The following PSD3 variants were observed in gnomAD, a reference collection of about 807,000 sequenced individuals.
PSD3 encodes the protein pleckstrin and Sec7 domain containing 3.
In PSD3, 49 loss-of-function variants were observed where a neutral mutation model predicts 105.5. The observed-to-expected ratio is 0.46, with a 90% CI of 0.37 to 0.59. PSD3 has a LOEUF of 0.59. Among genes scored for constraint, PSD3 ranks in the 20% least tolerant of loss-of-function variants. The pLI, the probability that PSD3 is intolerant of heterozygous loss-of-function variation, is 0.00. For synonymous variants in PSD3, 557 were observed against 457.8 expected (o/e 1.22, Z -2.77); for missense variants, 1,561 against 1,263.8 (o/e 1.24, Z -3.57).
At chr8:18,549,534 G>C (rs557582023) in intron 15 of PSD3, among the ~76,000 whole-genome samples, 11 of 152,098 alleles carry the variant, frequency 7.2e-5, no homozygotes, top group Non-Finnish European at 1.6e-4. Flanking sequence ...ATAATCTAAT[G>C]GTGTGCTAAA....
chr8:18,756,714 G>T (rs1806068931), intron 9 of PSD3, among the ~76,000 whole-genome samples: 1 of 147,770 alleles, frequency 6.8e-6, no homozygotes, highest in Non-Finnish European at 1.5e-5. Context: ...AGCAGAAGGG[G>T]AGCGGTGACA....
chr8:18,782,811 T>C (rs760655587), intron 8 of PSD3, among the ~76,000 whole-genome samples: 2 of 152,176 alleles, frequency 1.3e-5, no homozygotes, highest in Admixed American at 6.5e-5. Flanking sequence ...ACAAAGGGCC[T>C]AGTGGCCATC....
chr8:18,651,883 G>A (rs1415557362), intron 10 of PSD3, among the ~76,000 whole-genome samples: 1 of 152,120 alleles, frequency 6.6e-6, no homozygotes, highest in Non-Finnish European at 1.5e-5. Flanking sequence ...GAACGTGAAG[G>A]GCCTAATTAA....
intron 9 of PSD3, among the ~76,000 whole-genome samples, chr8:18,683,290 G>A (rs1462105101): frequency 6.6e-6 from 1 of 152,162 alleles, no homozygotes; most frequent in East Asian, 1.9e-4. Flanking sequence ...CATGAATGTA[G>A]TATAATAGGA....
intron 11 of PSD3, among the ~76,000 whole-genome samples, chr8:18,615,155 TCCACC>T (rs1805565325): frequency 1.0e-5 from 1 of 95,648 alleles, no homozygotes; most frequent in African/African-American, 3.4e-5. Context: ...GATTACCTAC[TCCACC>T]CTGACTCATT....
At chr8:18,767,721 T>A (rs1360172481) in intron 8 of PSD3, among the ~76,000 whole-genome samples, 3 of 151,952 alleles carry the variant, frequency 2.0e-5, no homozygotes, top group African/African-American at 7.3e-5. Context: ...CACTCCAGCC[T>A]GGGAAACAAG....
chr8:18,804,524 G>A lies in PSD3; in HGVS notation c.1908C>T (p.Leu636=), dbSNP rs531025044. ...GCAGCAAGGAGGCTTAGTCATACCT[G>A]AGTGACTGATCCAGCGTCATTCCTG... ...DFTGMTLDQS[L]RYFFKAFSLV... Residue 636 remains leucine (L), a splice_region_variant and synonymous_variant, in exon 6 of 16, where the codon CTC becomes CTT. Transcript: ENST00000327040. 2.0e-4 allele frequency: 315 copies of A among 1,605,348 alleles called. 4 individuals carry two copies. The South Asian group carries it at 2.9e-3, about 15-fold the overall frequency.
chr8:19,043,812 T>A (rs1198399845), intron 1 of PSD3, among the ~76,000 whole-genome samples: 1 of 152,220 alleles, frequency 6.6e-6, no homozygotes, highest in East Asian at 1.9e-4. Context: ...CTTCCCAGCC[T>A]CCAGAATGGT....
At chr8:18,661,239 A>G (rs1434968369) in intron 9 of PSD3, among the ~76,000 whole-genome samples, 8 of 152,212 alleles carry the variant, frequency 5.3e-5, no homozygotes, top group African/African-American at 1.4e-4. Flanking sequence ...TTCCACTTTC[A>G]GTGAAACTGA....
intron 10 of PSD3, among the ~76,000 whole-genome samples, chr8:18,650,472 G>A (rs1253936161): frequency 6.6e-6 from 1 of 152,194 alleles, no homozygotes; most frequent in Non-Finnish European, 1.5e-5. Context: ...AAAGGAACTT[G>A]GAAAGGCAAA....
At chr8:18,946,912 AAAAATAAATAAAAT>A (rs1471752815) in intron 1 of PSD3, among the ~76,000 whole-genome samples, 1 of 150,416 alleles carries the variant, frequency 6.6e-6, no homozygotes, top group African/African-American at 2.4e-5. Flanking sequence ...CTCAAAAAAT[AAAAATAAATAAAAT>A]AAAATAAATA....
At chr8:18,829,582 G>C (rs1813514660) in intron 4 of PSD3, among the ~76,000 whole-genome samples, 1 of 152,106 alleles carries the variant, frequency 6.6e-6, no homozygotes, top group Admixed American at 6.5e-5. Flanking sequence ...TGTGGTCTTT[G>C]GCTCATGTTA....
intron 8 of PSD3, among the ~76,000 whole-genome samples, chr8:18,795,226 G>C (rs191845017): frequency 1.5e-4 from 23 of 152,142 alleles, no homozygotes; most frequent in Admixed American, 1.2e-3. Context: ...AAAAACATTA[G>C]TAAGGTCGTG....
At chr8:19,061,804 A>G (rs748453530) in intron 1 of PSD3, among the ~76,000 whole-genome samples, 5 of 93,094 alleles carry the variant, frequency 5.4e-5, no homozygotes, top group African/African-American at 8.4e-5. Context: ...GACTCCGTCT[A>G]AAAAAAAAAA....
intron 12 of PSD3, among the ~76,000 whole-genome samples, chr8:18,584,767 C>T (rs1404804594): frequency 6.6e-6 from 1 of 152,180 alleles, no homozygotes; most frequent in Non-Finnish European, 1.5e-5. Flanking sequence ...TACGGGAATA[C>T]TGCTCTTAAA....
At chr8:18,990,380 C>T (rs1825723672) in intron 1 of PSD3, among the ~76,000 whole-genome samples, 1 of 152,224 alleles carries the variant, frequency 6.6e-6, no homozygotes, top group Admixed American at 6.5e-5. Context: ...GGCTCCGCCG[C>T]CTGGCCTTCT....
chr8:19,006,164 G>A (rs528130776), intron 1 of PSD3, among the ~76,000 whole-genome samples: 117 of 151,548 alleles, frequency 7.7e-4, no homozygotes, highest in Admixed American at 1.2e-3. Flanking sequence ...GTGGTGGCAC[G>A]TGCCTGTAAT....
intron 6 of PSD3, among the ~76,000 whole-genome samples, chr8:18,802,995 G>A (rs1810840953): frequency 6.6e-6 from 1 of 152,126 alleles, no homozygotes; most frequent in African/African-American, 2.4e-5. Flanking sequence ...CACCTTAAAA[G>A]GCTATTGGGG....
At chr8:18,810,464 C>T (rs1414161742) in intron 4 of PSD3, among the ~76,000 whole-genome samples, 4 of 152,136 alleles carry the variant, frequency 2.6e-5, no homozygotes, top group African/African-American at 7.2e-5. Context: ...GTTTTACTTT[C>T]AATTTTTCCC....
Sources: gnomAD v4.1 joint callset for allele counts (sites outside exome capture counted in the v4.1 genomes callset) on GRCh38, gnomAD v4.1.1 for gene constraint, MANE v1.5 for transcripts, NCBI Gene and HGNC (gene_info 2026-07-23, HGNC 2026-07-21) for gene names.